Variants in VAT1L observed in about 807,000 individuals in gnomAD.
VAT1L encodes the protein putative NADPH-dependent quinone oxidoreductase VAT1L.
VAT1L carries 34 observed loss-of-function variants against 44.1 expected under a neutral mutation model. The ratio of observed to expected loss-of-function variants is 0.77; its 90% confidence interval spans 0.59 to 1.03. VAT1L has a LOEUF of 1.03. Ranked by LOEUF, VAT1L falls within the 50% of genes least tolerant of loss-of-function variation. The pLI is 0.00. For missense variants in VAT1L, 615 were observed against 538.8 expected, an observed-to-expected ratio of 1.14 and a Z score of -1.40; for synonymous variants, 253 against 202.2, an observed-to-expected ratio of 1.25 and a Z score of -2.13.
chr16:77,811,434 C>T (rs17625041), intron 1 of VAT1L, among the ~76,000 whole-genome samples: 13,116 of 152,118 alleles, frequency 0.086, 684 homozygotes, highest in Non-Finnish European at 0.11. Flanking sequence ...AAATTCCAAA[C>T]GATAAGCTTT....
Position 77,976,701 on chromosome 16 carries a change from T to C in VAT1L, c.1162-896T>C, listed in dbSNP as rs996799163. On this transcript the variant is annotated intron_variant, in intron 8 of 8. Coordinates refer to ENST00000302536, the MANE Select transcript of VAT1L (RefSeq NM_020927.3). ...TATGCTCAGCCCTTTGCTAGACTCTTTAGATACATTACTCCATTTTCTTTC... is the reference window on the plus strand; with the variant it reads ...TATGCTCAGCCCTTTGCTAGACTCTCTAGATACATTACTCCATTTTCTTTC... 2.0e-5 allele frequency among the ~76,000 whole-genome samples: 3 copies of C among 152,164 alleles called. No individual in the cohort carries two copies. In the East Asian group the frequency reaches 5.8e-4, roughly 29 times the overall value.
chr16:77,954,969 T>A (rs1204640748), intron 7 of VAT1L, among the ~76,000 whole-genome samples: 1 of 152,204 alleles, frequency 6.6e-6, no homozygotes, highest in African/African-American at 2.4e-5. Flanking sequence ...AGGCAGTCTT[T>A]AATTTCTATT....
At chr16:77,841,371 C>A (rs1373700893) in intron 3 of VAT1L, among the ~76,000 whole-genome samples, 1 of 152,228 alleles carries the variant, frequency 6.6e-6, no homozygotes, top group Non-Finnish European at 1.5e-5. Context: ...GCATGAGCCG[C>A]CACACCTGGC....
chr16:77,861,955 T>C (rs574523708), intron 3 of VAT1L, among the ~76,000 whole-genome samples: 18 of 152,366 alleles, frequency 1.2e-4, no homozygotes, highest in Non-Finnish European at 2.4e-4. Flanking sequence ...CTTAATACCT[T>C]GTTATTTCCG....
chr16:77,952,648 G>T (rs917435659), intron 7 of VAT1L, among the ~76,000 whole-genome samples: 5 of 152,040 alleles, frequency 3.3e-5, no homozygotes, highest in Non-Finnish European at 7.4e-5. Flanking sequence ...CCCGAGGTCA[G>T]GAGTTTGAGA....
At chr16:77,946,374 C>A (rs951901800) in intron 7 of VAT1L, among the ~76,000 whole-genome samples, 3 of 141,130 alleles carry the variant, frequency 2.1e-5, no homozygotes, top group Non-Finnish European at 4.5e-5. Flanking sequence ...AGTTCCGCCT[C>A]CCAGGTTCAC....
intron 7 of VAT1L, among the ~76,000 whole-genome samples, chr16:77,903,603 C>T (rs2017407586): frequency 6.6e-6 from 1 of 152,090 alleles, no homozygotes; most frequent in Non-Finnish European, 1.5e-5. Context: ...GTACAACCAC[C>T]CTATCTAGAC....
intron 5 of VAT1L, 138 bp downstream of exon 5, chr16:77,876,611 T>A: frequency 1.4e-6 from 1 of 695,774 alleles, no homozygotes; most frequent in Non-Finnish European, 2.5e-6. Context: ...ATGTTTCCTA[T>A]AATGTTTCTA....
In VAT1L at chr16:77,817,020, A is replaced by T. The variant is rs1234950109; in HGVS notation, c.333A>T (p.Glu111Asp). The stretch of plus-strand genomic sequence containing the variant: ...GATTTGAGTGTTCTGGGATTGTTGA[A>T]GCTCTGGGGGACAGCGTGAAAGGAT... ...VPGFECSGIVEALGDSVKGYE... is the reference protein window; with the variant it reads ...VPGFECSGIVDALGDSVKGYE... The change falls in exon 2 of 9, where the codon GAA becomes GAT. Residue 111 changes from glutamate (E) to aspartate (D), a missense_variant. By Grantham distance (45) the Glu-to-Asp change is conservative. Transcript: ENST00000302536. 6 of 1,614,040 alleles carry T rather than the reference A, an allele frequency of 3.7e-6. No individual in the cohort carries two copies. The South Asian group carries it at 6.6e-5, about 18-fold the overall frequency.
chr16:77,954,190 C>T (rs781071319), intron 7 of VAT1L, among the ~76,000 whole-genome samples: 2 of 152,196 alleles, frequency 1.3e-5, no homozygotes, highest in African/African-American at 4.8e-5. Context: ...TTGTTTGATA[C>T]TTGCGCAGAA....
chr16:77,790,899 G>T (rs1354897606), intron 1 of VAT1L, among the ~76,000 whole-genome samples: 1 of 152,172 alleles, frequency 6.6e-6, no homozygotes, highest in Non-Finnish European at 1.5e-5. Flanking sequence ...CCAAGAGATT[G>T]ATTTTCAAAG....
chr16:77,919,778 T>C (rs1174396183), intron 7 of VAT1L, among the ~76,000 whole-genome samples: 2 of 152,194 alleles, frequency 1.3e-5, no homozygotes, highest in Admixed American at 6.6e-5. Flanking sequence ...AGGTTCAGTA[T>C]ATCTCATTTA....
chr16:77,900,526 T>C (rs574168630), intron 7 of VAT1L, among the ~76,000 whole-genome samples: 10 of 151,692 alleles, frequency 6.6e-5, no homozygotes, highest in African/African-American at 2.4e-4. Flanking sequence ...GAAACCCCAT[T>C]TCTACTAAAA....
chr16:77,904,453 G>C (rs1368238800), intron 7 of VAT1L, among the ~76,000 whole-genome samples: 1 of 152,104 alleles, frequency 6.6e-6, no homozygotes, highest in African/African-American at 2.4e-5. Flanking sequence ...TTGGTTCCTG[G>C]TAAGGGCTGT....
intron 7 of VAT1L, among the ~76,000 whole-genome samples, chr16:77,940,687 C>A (rs1276372975): frequency 6.6e-6 from 1 of 152,074 alleles, no homozygotes; most frequent in African/African-American, 2.4e-5. Context: ...AATTTTGCAC[C>A]CAGCTCAATG....
intron 3 of VAT1L, among the ~76,000 whole-genome samples, chr16:77,841,128 T>C (rs2016700085): frequency 6.6e-6 from 1 of 152,240 alleles, no homozygotes; most frequent in African/African-American, 2.4e-5. Flanking sequence ...TTGCCTGGAC[T>C]AGAGTGCAGT....
At chr16:77,808,891 C>G (rs1234114856) in intron 1 of VAT1L, among the ~76,000 whole-genome samples, 3 of 152,182 alleles carry the variant, frequency 2.0e-5, no homozygotes, top group African/African-American at 7.2e-5. Flanking sequence ...GCCACCGTGC[C>G]CAGCTGTGAT....
At chr16:77,818,631 A>T (rs2016396579) in intron 2 of VAT1L, among the ~76,000 whole-genome samples, 1 of 152,220 alleles carries the variant, frequency 6.6e-6, no homozygotes, top group African/African-American at 2.4e-5. Context: ...AACTTGGTTT[A>T]GAGGGAGAAC....
In VAT1L at chr16:77,977,765, G is replaced by C. The variant is rs966607823; in HGVS notation, c.*70G>C. 3.4e-5 allele frequency: 49 copies of C among 1,429,448 alleles called. No homozygotes were observed. The highest frequency in any genetic ancestry group is 2.3e-4 in the Middle Eastern group (1 of 4,378). 88.5% of individuals were successfully genotyped at this position (1,429,448 alleles called of 1,614,324 possible). On this transcript the variant is annotated 3_prime_UTR_variant, in exon 9 of 9. Coordinates refer to ENST00000302536, the MANE Select transcript of VAT1L (RefSeq NM_020927.3). Reference sequence around the variant, plus strand: ...AGGACCCGGCTGAGAAAACTCTTCTGTGCCCCAGTGAACAAATGCTGTAGT... The same window carrying C: ...AGGACCCGGCTGAGAAAACTCTTCTCTGCCCCAGTGAACAAATGCTGTAGT...
Sources: allele counts gnomAD v4.1 joint callset (sites outside exome capture counted in the v4.1 genomes callset), GRCh38; gene constraint gnomAD v4.1.1; transcripts MANE v1.5; gene names NCBI Gene and HGNC (gene_info 2026-07-23, HGNC 2026-07-21).